Variants in ADAMTSL1 observed in about 807,000 individuals in gnomAD.
ADAMTSL1 encodes ADAMTS like 1.
Under a neutral mutation model 201.8 loss-of-function variants are expected in ADAMTSL1, and 126 were observed. That is an observed-to-expected ratio of 0.62 (90% CI 0.54 to 0.72). The LOEUF (loss-of-function observed/expected upper bound fraction) is 0.72, where lower values mean the gene tolerates loss of function less well. Among genes scored for constraint, ADAMTSL1 ranks in the 30% least tolerant of loss-of-function variants. The probability of loss-of-function intolerance (pLI) is 0.00; values close to 1 mark genes in which losing one functional copy is unlikely to be tolerated. For missense variants in ADAMTSL1, 2,679 were observed against 2,277.8 expected (o/e 1.18, Z -3.59); for synonymous variants, 1,121 against 903.4 (o/e 1.24, Z -4.32).
intron 1 of ADAMTSL1, among the ~76,000 whole-genome samples, chr9:17,925,598 C>G (rs536986732): frequency 1.6e-5 from 2 of 123,296 alleles, no homozygotes; most frequent in African/African-American, 5.7e-5. Context: ...AGTAAACTAT[C>G]GCAAGAACAA....
intron 1 of ADAMTSL1, among the ~76,000 whole-genome samples, chr9:18,119,017 C>T (rs1825384365): frequency 6.6e-6 from 1 of 151,908 alleles, no homozygotes; most frequent in Non-Finnish European, 1.5e-5. Context: ...CAGCTTGGCC[C>T]CTTCACATAC....
At chr9:18,661,847 C>A in intron 8 of ADAMTSL1, 88 bp from the exon 9 acceptor site, 1 of 1,348,918 alleles carries the variant, frequency 7.4e-7, no homozygotes. Context: ...GGAATAATTT[C>A]CATTGATGTG....
At chr9:18,675,027 C>G (rs1451800381) in intron 9 of ADAMTSL1, among the ~76,000 whole-genome samples, 2 of 152,200 alleles carry the variant, frequency 1.3e-5, no homozygotes, top group Middle Eastern at 3.4e-3. Context: ...TAAAGGCCTC[C>G]AGGAACCTCC....
intron 1 of ADAMTSL1, among the ~76,000 whole-genome samples, chr9:17,916,532 G>A (rs938217078): frequency 6.6e-6 from 1 of 152,094 alleles, no homozygotes; most frequent in South Asian, 2.1e-4. Context: ...TTTGGCCTAT[G>A]GATGTTAAAT....
intron 2 of ADAMTSL1, among the ~76,000 whole-genome samples, chr9:18,299,543 A>T (rs997701461): frequency 2.6e-4 from 39 of 152,330 alleles, no homozygotes; most frequent in African/African-American, 8.9e-4. Flanking sequence ...GGGAGAGAAC[A>T]CAAGGAACAG....
chr9:18,532,436 T>A (rs962487937), intron 2 of ADAMTSL1, among the ~76,000 whole-genome samples: 3 of 152,258 alleles, frequency 2.0e-5, no homozygotes, highest in South Asian at 2.1e-4. Flanking sequence ...CTATCATTTA[T>A]CAAACACCAA....
chr9:18,777,849 A>AC lies in ADAMTSL1; in HGVS notation c.3623dup (p.Arg1209LysfsTer17). On this transcript the variant is annotated frameshift_variant, in exon 19 of 29. Coordinates refer to ENST00000380548, the MANE Select transcript of ADAMTSL1 (RefSeq NM_001040272.6). LOFTEE classifies it high-confidence loss of function. ...CTTCTGCACTGTGAGGCCATCGGCC[A>AC]CCCAAGGCCTACCATCAGCTGGGCC... 6.3e-7 allele frequency: 1 copy of AC among 1,591,802 alleles called. No individual in the cohort carries two copies. The highest frequency in any genetic ancestry group is 8.6e-7 in the Non-Finnish European group (1 of 1,164,822).
chr9:18,001,406 G>A (rs1241513176), intron 1 of ADAMTSL1, among the ~76,000 whole-genome samples: 2 of 152,012 alleles, frequency 1.3e-5, no homozygotes, highest in Non-Finnish European at 2.9e-5. Flanking sequence ...TCCAAGATGA[G>A]GGAGACAGTA....
chr9:18,070,690 G>A (rs1249822426), intron 1 of ADAMTSL1, among the ~76,000 whole-genome samples: 1 of 152,170 alleles, frequency 6.6e-6, no homozygotes, highest in African/African-American at 2.4e-5. Flanking sequence ...CCCCTTGGGA[G>A]AAGGAGTCTT....
At chr9:18,272,758 G>A (rs7861434) in intron 2 of ADAMTSL1, among the ~76,000 whole-genome samples, 64,746 of 151,892 alleles carry the variant, frequency 0.43, 15,089 homozygotes, top group South Asian at 0.54. Flanking sequence ...TCTCTCTTCA[G>A]CAGACCTGGC....
intron 2 of ADAMTSL1, among the ~76,000 whole-genome samples, chr9:18,303,684 G>C (rs1833793464): frequency 6.6e-6 from 1 of 152,174 alleles, no homozygotes; most frequent in African/African-American, 2.4e-5. Context: ...AGGCAGGGAT[G>C]GGGGTATGAA....
At chr9:18,151,365 T>A (rs1162265390) in intron 1 of ADAMTSL1, among the ~76,000 whole-genome samples, 1 of 152,090 alleles carries the variant, frequency 6.6e-6, no homozygotes, top group African/African-American at 2.4e-5. Flanking sequence ...TAATTTTAGC[T>A]AATTCACAGT....
Position 18,530,123 on chromosome 9 carries a change from T to A in ADAMTSL1, c.192-3124T>A, listed in dbSNP as rs143990303. Among the ~76,000 whole-genome samples, 6 of 152,280 alleles carry A rather than the reference T, an allele frequency of 3.9e-5. No homozygotes were observed. In the East Asian group the frequency reaches 9.6e-4, roughly 24 times the overall value. On this transcript the variant is annotated intron_variant, in intron 2 of 28. Transcript: ENST00000380548. ...TTAGGAAGCAGTATCTCTGTAATAATCCCTTGGCATTTGAACAGAGCTTTT... is the reference window on the plus strand; with the variant it reads ...TTAGGAAGCAGTATCTCTGTAATAAACCCTTGGCATTTGAACAGAGCTTTT...
intron 1 of ADAMTSL1, among the ~76,000 whole-genome samples, chr9:17,983,021 C>T (rs930119967): frequency 4.0e-5 from 6 of 148,764 alleles, no homozygotes; most frequent in Admixed American, 2.7e-4. Context: ...TCCTCCCTCC[C>T]CTTTTCAACT....
chr9:18,718,024 T>A (rs1460394967), intron 14 of ADAMTSL1: 1 of 1,593,748 alleles, frequency 6.3e-7, no homozygotes, highest in South Asian at 1.1e-5. Flanking sequence ...GCACTGGAGT[T>A]TTTCTGTTAA....
At chr9:18,372,743 A>T (rs1340046) in intron 2 of ADAMTSL1, among the ~76,000 whole-genome samples, 147,287 of 152,314 alleles carry the variant, frequency 0.97, 71,347 homozygotes, top group East Asian at 1. Flanking sequence ...TAATACAGTA[A>T]TGAAGGCTTT....
chr9:18,066,566 T>C (rs1822711803), intron 1 of ADAMTSL1, among the ~76,000 whole-genome samples: 1 of 152,256 alleles, frequency 6.6e-6, no homozygotes, highest in Non-Finnish European at 1.5e-5. Context: ...TTTATATTTT[T>C]AGGTAATTAA....
At chr9:17,969,745 G>A (rs1818131934) in intron 1 of ADAMTSL1, among the ~76,000 whole-genome samples, 1 of 151,928 alleles carries the variant, frequency 6.6e-6, no homozygotes, top group Non-Finnish European at 1.5e-5. Context: ...TCTTAAATAA[G>A]TTGAATATTA....
chr9:17,984,046 A>C (rs1818825997), intron 1 of ADAMTSL1, among the ~76,000 whole-genome samples: 1 of 152,220 alleles, frequency 6.6e-6, no homozygotes, highest in African/African-American at 2.4e-5. Flanking sequence ...GTAAGACTTT[A>C]CAATTTATTT....
Sources: allele counts gnomAD v4.1 joint callset (sites outside exome capture counted in the v4.1 genomes callset), GRCh38; gene constraint gnomAD v4.1.1; transcripts MANE v1.5; gene names NCBI Gene and HGNC (gene_info 2026-07-23, HGNC 2026-07-21).